Variants in GTF2B observed in about 807,000 individuals in gnomAD.
The protein encoded by GTF2B is transcription initiation factor IIB.
A neutral mutation model predicts 34.6 loss-of-function variants in GTF2B; 20 were observed. The ratio of observed to expected loss-of-function variants is 0.58; its 90% CI spans 0.41 to 0.84. The LOEUF is 0.84. GTF2B is among the 40% of genes least tolerant of loss of function. GTF2B has a pLI of 0.00. For missense variants in GTF2B, 237 were observed against 393.3 expected, an observed-to-expected ratio of 0.60 and a Z score of 3.36; for synonymous variants, 142 against 132.4, an observed-to-expected ratio of 1.07 and a Z score of -0.50.
intron 2 of GTF2B, among the ~76,000 whole-genome samples, chr1:88,864,977 C>T (rs139641997): frequency 6.6e-6 from 1 of 152,204 alleles, no homozygotes; most frequent in South Asian, 2.1e-4. Flanking sequence ...TTGTTCTACA[C>T]TCCAATTGTA....
At chr1:88,862,920 C>A (rs1234251346) in intron 3 of GTF2B, among the ~76,000 whole-genome samples, 1 of 151,746 alleles carries the variant, frequency 6.6e-6, no homozygotes, top group African/African-American at 2.4e-5. Flanking sequence ...CAGGCATGAG[C>A]CACTGTGCCC....
At chr1:88,858,951 T>C (rs1389985279) in intron 5 of GTF2B, among the ~76,000 whole-genome samples, 1 of 149,660 alleles carries the variant, frequency 6.7e-6, no homozygotes, top group East Asian at 2.0e-4. Flanking sequence ...CACTGCAACC[T>C]CTGCCTCCCG....
chr1:88,864,421 T>C (rs1261307674), intron 2 of GTF2B, among the ~76,000 whole-genome samples: 3 of 152,162 alleles, frequency 2.0e-5, no homozygotes, highest in Non-Finnish European at 4.4e-5. Context: ...GTAATAATGA[T>C]TAAGAACCAG....
intron 1 of GTF2B, among the ~76,000 whole-genome samples, chr1:88,890,843 T>C (rs1223759586): frequency 6.6e-6 from 1 of 152,136 alleles, no homozygotes; most frequent in Non-Finnish European, 1.5e-5. Context: ...TAACTAATTT[T>C]CTTTGGCAAG....
intron 2 of GTF2B, among the ~76,000 whole-genome samples, chr1:88,878,040 G>A (rs527729754): frequency 7.2e-5 from 11 of 152,316 alleles, no homozygotes; most frequent in East Asian, 1.9e-4. Flanking sequence ...AGGCCAAGGC[G>A]GGTAGACTGC....
chr1:88,879,219 T>A (rs1430809718), intron 2 of GTF2B, among the ~76,000 whole-genome samples: 3 of 152,054 alleles, frequency 2.0e-5, no homozygotes, highest in African/African-American at 7.2e-5. Flanking sequence ...GGAAAAAAGG[T>A]ATAAAGTATA....
At chr1:88,889,928 T>C (rs1388434750) in intron 1 of GTF2B, among the ~76,000 whole-genome samples, 1 of 152,140 alleles carries the variant, frequency 6.6e-6, no homozygotes, top group East Asian at 1.9e-4. Flanking sequence ...TGGTCCCAGC[T>C]ACTCAGAAGG....
chr1:88,866,668 C>A (rs560228603), intron 2 of GTF2B, among the ~76,000 whole-genome samples: 3 of 152,156 alleles, frequency 2.0e-5, no homozygotes, highest in Admixed American at 6.5e-5. Flanking sequence ...TCGGCCTCCC[C>A]AAGTGCTGGG....
intron 2 of GTF2B, among the ~76,000 whole-genome samples, chr1:88,870,046 GC>G (rs1673653168): frequency 6.6e-6 from 1 of 150,838 alleles, no homozygotes; most frequent in African/African-American, 2.4e-5. Flanking sequence ...TCCTGCCTCA[GC>G]CTCCCGAGTA....
intron 2 of GTF2B, among the ~76,000 whole-genome samples, 182 bp downstream of exon 2, chr1:88,887,079 C>T (rs980818911): frequency 1.2e-4 from 18 of 151,982 alleles, no homozygotes; most frequent in African/African-American, 2.7e-4. Context: ...CCACTACGCC[C>T]GGCTAGTTTT....
intron 2 of GTF2B, among the ~76,000 whole-genome samples, chr1:88,870,119 G>T (rs935202787): frequency 6.6e-6 from 1 of 151,670 alleles, no homozygotes; most frequent in Non-Finnish European, 1.5e-5. Flanking sequence ...GTAGAGACAG[G>T]GTTTCACTGT....
chr1:88,890,569 G>T (rs886794636), intron 1 of GTF2B, among the ~76,000 whole-genome samples: 4 of 152,320 alleles, frequency 2.6e-5, no homozygotes, highest in Admixed American at 2.0e-4. Context: ...AAGGCCAGGT[G>T]TGGATAACAG....
chr1:88,871,804 T>C (rs1434042218), intron 2 of GTF2B, among the ~76,000 whole-genome samples: 2 of 152,138 alleles, frequency 1.3e-5, no homozygotes, highest in African/African-American at 4.8e-5. Context: ...TAATCTCAGC[T>C]CACGGCAACC....
At chr1:88,873,251 A>T (rs1443106588) in intron 2 of GTF2B, among the ~76,000 whole-genome samples, 2 of 139,458 alleles carry the variant, frequency 1.4e-5, no homozygotes, top group Middle Eastern at 3.7e-3. Context: ...GGGCAGTGGC[A>T]CTATCTCGAC....
chr1:88,859,740 G>C (rs1673393267), intron 5 of GTF2B, 142 bp downstream of exon 5: 1 of 633,162 alleles, frequency 1.6e-6, no homozygotes, highest in Admixed American at 2.8e-5. Context: ...GGAGGCTGAG[G>C]CAGGAGTATA....
At chr1:88,887,636 T>A (rs1674107481) in intron 1 of GTF2B, 1 of 368,904 alleles carries the variant, frequency 2.7e-6, no homozygotes, top group Admixed American at 4.1e-5. Context: ...CTTCTCTCAA[T>A]ATGTATGCCA....
chr1:88,862,829 G>C (rs1406231701), intron 3 of GTF2B, among the ~76,000 whole-genome samples: 1 of 151,988 alleles, frequency 6.6e-6, no homozygotes, highest in Non-Finnish European at 1.5e-5. Context: ...TTTTAGTAGA[G>C]ACGGGGTTTC....
chr1:88,857,690 C>CTTTTTTTTTT (rs1369129929), intron 5 of GTF2B, among the ~76,000 whole-genome samples: 4 of 5,664 alleles, frequency 7.1e-4, no homozygotes, highest in East Asian at 7.2e-3. Flanking sequence ...GTTCATCACA[C>CTTTTTTTTTT]CTTTTTTTTT....
At chr1:88,883,487 A>C (rs1673991258) in intron 2 of GTF2B, among the ~76,000 whole-genome samples, 1 of 152,094 alleles carries the variant, frequency 6.6e-6, no homozygotes, top group Admixed American at 6.5e-5. Context: ...GATCAAGGCA[A>C]AAAGATCACT....
Sources: allele counts gnomAD v4.1 joint callset (sites outside exome capture counted in the v4.1 genomes callset), GRCh38; gene constraint gnomAD v4.1.1; transcripts MANE v1.5; gene names NCBI Gene and HGNC (gene_info 2026-07-23, HGNC 2026-07-21).